The following ACOXL variants were observed in gnomAD, a reference collection of about 807,000 sequenced individuals.
The protein encoded by ACOXL is acyl-coenzyme A oxidase-like protein.
A neutral mutation model predicts 71.9 loss-of-function variants in ACOXL; 70 were observed. That is an observed-to-expected ratio of 0.97 (90% CI 0.80 to 1.19). ACOXL has a LOEUF of 1.19. ACOXL is among the 50% of genes most tolerant of loss of function. The pLI is 0.00. For synonymous variants in ACOXL, 253 were observed against 281.6 expected (o/e 0.90, Z 1.02); for missense variants, 703 against 736.3 (o/e 0.95, Z 0.52).
rs148214227 is a variant in ACOXL, at chr2:111,095,477, G to A, written c.1542+2511G>A. 5.1e-4 allele frequency among the ~76,000 whole-genome samples: 72 copies of A among 142,222 alleles called. No individual in the cohort carries two copies. The East Asian group carries it at 0.013, about 26-fold the overall frequency. 93.3% of individuals were successfully genotyped at this position (142,222 alleles called of 152,430 possible). A position where few individuals can be genotyped will look rare whatever the true frequency, so the allele number is the denominator to read the frequency against. On this transcript the variant is annotated intron_variant, in intron 17 of 17. Transcript: ENST00000439055. ...CATGATCTCAGCTCAGTGCCACCTC[G>A]GCCTCCCGGGCTCAAGTGATTCCTT...
At chr2:110,902,070 C>T (rs541757973) in intron 10 of ACOXL, among the ~76,000 whole-genome samples, 1 of 152,058 alleles carries the variant, frequency 6.6e-6, no homozygotes, top group South Asian at 2.1e-4. Context: ...AAAAATTGCC[C>T]ATGGGAATGA....
intron 12 of ACOXL, among the ~76,000 whole-genome samples, chr2:110,954,329 C>T (rs2061425993): frequency 1.3e-5 from 2 of 152,160 alleles, no homozygotes; most frequent in African/African-American, 4.8e-5. Flanking sequence ...TGTTTAGTCC[C>T]AGTAGTTATT....
At position 110,863,802 on chromosome 2, in the gene ACOXL, C is replaced by T. The variant is rs554541679; in HGVS notation, c.788+22397C>T. On this transcript the variant is annotated intron_variant, in intron 10 of 17. Coordinates refer to ENST00000439055, the MANE Select transcript of ACOXL (RefSeq NM_001142807.4). ...GGGTGCATATATTATTTGGGTCCTT[C>T]GTTTTGCCTTTAATTTCACTGTCAT... Among the ~76,000 whole-genome samples the T allele has an allele frequency of 4.0e-4, 61 of 152,244 alleles. No individual in the cohort carries two copies. In the South Asian group the frequency reaches 7.9e-3, roughly 20 times the overall value.
intron 11 of ACOXL, among the ~76,000 whole-genome samples, chr2:110,926,767 C>T (rs1216423022): frequency 1.3e-5 from 2 of 152,122 alleles, no homozygotes; most frequent in Non-Finnish European, 2.9e-5. Context: ...TGAAATTACT[C>T]AAAGCCTTCC....
intron 9 of ACOXL, among the ~76,000 whole-genome samples, chr2:110,835,089 G>A (rs1383317531): frequency 6.6e-6 from 1 of 152,156 alleles, no homozygotes; most frequent in Non-Finnish European, 1.5e-5. Context: ...AGGTTTCAAT[G>A]TTAGTTCTGT....
intron 10 of ACOXL, among the ~76,000 whole-genome samples, chr2:110,897,923 C>T (rs1444043977): frequency 6.6e-6 from 1 of 151,962 alleles, no homozygotes; most frequent in Non-Finnish European, 1.5e-5. Context: ...TTATTGTAGA[C>T]ACTGAGAACA....
intron 16 of ACOXL, among the ~76,000 whole-genome samples, chr2:111,057,311 A>G (rs1421839130): frequency 6.6e-6 from 1 of 152,172 alleles, no homozygotes; most frequent in African/African-American, 2.4e-5. Context: ...TAGGGGCCCC[A>G]GACAGCTGCC....
chr2:110,771,407 C>T (rs1428963979), intron 2 of ACOXL, among the ~76,000 whole-genome samples: 21 of 152,158 alleles, frequency 1.4e-4, no homozygotes, highest in Admixed American at 1.4e-3. Flanking sequence ...CCTGGACCCC[C>T]CTTTCATGTT....
At chr2:110,956,747 T>G (rs1341977229) in intron 12 of ACOXL, among the ~76,000 whole-genome samples, 2 of 152,222 alleles carry the variant, frequency 1.3e-5, no homozygotes. Context: ...AATTTCTAAT[T>G]TGTTCTGATA....
At chr2:111,032,056 C>T (rs937168487) in intron 15 of ACOXL, among the ~76,000 whole-genome samples, 1 of 152,188 alleles carries the variant, frequency 6.6e-6, no homozygotes, top group Non-Finnish European at 1.5e-5. Flanking sequence ...ACCATGATCT[C>T]GTTCCTAAAC....
chr2:111,040,491 T>C (rs74643345), intron 15 of ACOXL, among the ~76,000 whole-genome samples: 2,500 of 152,250 alleles, frequency 0.016, 74 homozygotes, highest in African/African-American at 0.058. Flanking sequence ...TCCTGCCTTG[T>C]GCCAAGGACT....
chr2:110,930,376 C>A (rs2060435549), intron 11 of ACOXL, among the ~76,000 whole-genome samples: 1 of 152,212 alleles, frequency 6.6e-6, no homozygotes, highest in Admixed American at 6.5e-5. Flanking sequence ...TTACCCAATG[C>A]CTGTACCACC....
At chr2:110,830,627 A>G (rs1689711355) in intron 9 of ACOXL, among the ~76,000 whole-genome samples, 1 of 151,592 alleles carries the variant, frequency 6.6e-6, no homozygotes, top group African/African-American at 2.4e-5. Context: ...TCCGCCTCCC[A>G]GGCTCATGCC....
At chr2:111,055,596 G>C (rs1384702333) in intron 16 of ACOXL, among the ~76,000 whole-genome samples, 1 of 152,226 alleles carries the variant, frequency 6.6e-6, no homozygotes, top group Non-Finnish European at 1.5e-5. Flanking sequence ...GAGGCACTCA[G>C]GGGCTGCCCG....
intron 16 of ACOXL, among the ~76,000 whole-genome samples, chr2:111,080,085 T>C (rs2067824314): frequency 6.6e-6 from 1 of 152,216 alleles, no homozygotes; most frequent in Non-Finnish European, 1.5e-5. Context: ...TTATCATTTT[T>C]TATTGTGTCT....
Position 111,075,128 on chromosome 2 carries a change from CT to C in ACOXL, c.1441-17736del, listed in dbSNP as rs201663126. On this transcript the variant is annotated intron_variant, in intron 16 of 17. Transcript: ENST00000439055. ...AAAATGAGTTGGGAAGGGTTCCCTC[CT>C]CTTCTGTTTCCTGGAAGAGATTGTG... Among the ~76,000 whole-genome samples the C allele has an allele frequency of 7.9e-3, 1,197 of 152,232 alleles. 9 individuals carry two copies. Among genetic ancestry groups the C allele is most frequent in the African/African-American group, 0.027 (1,104 of 41,532 alleles).
chr2:111,044,911 C>T (rs946885729), intron 15 of ACOXL, among the ~76,000 whole-genome samples: 2 of 152,130 alleles, frequency 1.3e-5, no homozygotes, highest in Admixed American at 6.5e-5. Context: ...GTGTTTATTT[C>T]CCTATGCTTC....
At chr2:111,015,656 G>T (rs2064389763) in intron 14 of ACOXL, among the ~76,000 whole-genome samples, 1 of 152,054 alleles carries the variant, frequency 6.6e-6, no homozygotes. Flanking sequence ...CTCACAAAAA[G>T]ACTTGTACAG....
In ACOXL at chr2:110,916,703, C is replaced by A. The variant is rs1271481674; in HGVS notation, c.905+7798C>A. On this transcript the variant is annotated intron_variant, in intron 11 of 17. Transcript: ENST00000439055. ...AGAAAAGAAAAGAATCAAATAGACACAGTAAAAAATGATAAAGGGGATATC... is the reference window on the plus strand; with the variant it reads ...AGAAAAGAAAAGAATCAAATAGACAAAGTAAAAAATGATAAAGGGGATATC... 3.3e-5 allele frequency among the ~76,000 whole-genome samples: 5 copies of A among 152,038 alleles called. No homozygotes were observed. The East Asian group carries it at 9.6e-4, about 29-fold the overall frequency.
Sources: gnomAD v4.1 joint callset for allele counts (sites outside exome capture counted in the v4.1 genomes callset) on GRCh38, gnomAD v4.1.1 for gene constraint, MANE v1.5 for transcripts, NCBI Gene and HGNC (gene_info 2026-07-23, HGNC 2026-07-21) for gene names.